Variants in FNBP1 observed in about 807,000 individuals in gnomAD.
FNBP1 encodes the protein formin binding protein 1, also known as formin-binding protein 1.
A neutral mutation model predicts 90.6 loss-of-function variants in FNBP1; 26 were observed. The observed-to-expected ratio is 0.29, with a 90% CI of 0.21 to 0.40. The LOEUF (loss-of-function observed/expected upper bound fraction) is 0.40. Ranked by LOEUF, FNBP1 falls within the 10% of genes least tolerant of loss-of-function variation. FNBP1 has a pLI of 1.00. For synonymous variants in FNBP1, 260 were observed against 265.2 expected (o/e 0.98, Z 0.19); for missense variants, 635 against 768.0 (o/e 0.83, Z 2.05).
Position 129,889,901 on chromosome 9 carries a change from GGT to G in FNBP1, c.*636_*637del, listed in dbSNP as rs373807120. On this transcript the variant is annotated 3_prime_UTR_variant, in exon 17 of 17. Coordinates refer to ENST00000446176, the MANE Select transcript of FNBP1 (RefSeq NM_015033.3). ...GTGTGTACTGGTGGGTGTGCCTGTG[GGT>G]GTGTGTGTACCTGCCCCCCTGCCTG... 3 of 235,622 alleles carry G rather than the reference GGT, an allele frequency of 1.3e-5. No homozygotes were observed. The highest frequency in any genetic ancestry group is 1.6e-4 in the South Asian group (1 of 6,156). The allele number at this position is 235,622 out of a possible 1,614,324, so 14.6% of individuals were successfully genotyped here.
intron 1 of FNBP1, among the ~76,000 whole-genome samples, chr9:129,997,962 G>A (rs753582474): frequency 2.0e-5 from 3 of 151,846 alleles, no homozygotes; most frequent in Non-Finnish European, 2.9e-5. Flanking sequence ...CATGGTGGGC[G>A]GATCACTTGA....
intron 1 of FNBP1, among the ~76,000 whole-genome samples, chr9:130,034,734 TTGATTCTCAG>T (rs1249458359): frequency 1.3e-5 from 2 of 152,240 alleles, no homozygotes; most frequent in Non-Finnish European, 2.9e-5. Flanking sequence ...GTGTGAGTCA[TTGATTCTCAG>T]TGATTCTCAA....
rs1175566512 is a variant in FNBP1, at chr9:129,957,804, C to T, written c.409-340G>A. ...CTGAGCTCAAGCAATCCTCCCGCCT[C>T]TGCCTCCCAAATTGCTGGGATTACA... is the stretch of plus-strand genomic sequence containing the variant. On this transcript the variant is annotated intron_variant, in intron 5 of 16. Transcript: ENST00000446176. The surrounding 1 kb of genome is among the most constrained non-coding windows in gnomAD (Gnocchi z 4.3). Among the ~76,000 whole-genome samples, 1 of 152,202 alleles carries T rather than the reference C, an allele frequency of 6.6e-6. No homozygotes were observed. Among genetic ancestry groups the T allele is most frequent in the Non-Finnish European group, 1.5e-5 (1 of 68,038 alleles).
the FNBP1 span, among the ~76,000 whole-genome samples, chr9:130,049,067 C>T: frequency 6.6e-6 from 1 of 152,196 alleles, no homozygotes; most frequent in East Asian, 1.9e-4. Context: ...GCATGAGCCA[C>T]CACTCCCGGC....
At chr9:130,046,893 CAT>C (rs565027202), upstream of FNBP1, among the ~76,000 whole-genome samples, 357 of 151,560 alleles carry the variant, frequency 2.4e-3, 4 homozygotes, top group Non-Finnish European at 3.9e-3. Context: ...TTATAATAAA[CAT>C]GTTTCCCTAG....
At chr9:129,974,822 T>G (rs2050051904) in intron 4 of FNBP1, among the ~76,000 whole-genome samples, 1 of 142,044 alleles carries the variant, frequency 7.0e-6, no homozygotes, top group African/African-American at 2.7e-5. Context: ...ATCGCACCAC[T>G]GCACTCCAGC....
intron 4 of FNBP1, among the ~76,000 whole-genome samples, chr9:129,964,596 T>TAA (rs530737177): frequency 1.1e-3 from 159 of 138,692 alleles, no homozygotes; most frequent in African/African-American, 4.1e-3. Context: ...TGGCTGAGAT[T>TAA]AAAAAAAAAA....
At chr9:129,891,305 T>A (rs1159094068) in intron 16 of FNBP1, among the ~76,000 whole-genome samples, 1 of 151,618 alleles carries the variant, frequency 6.6e-6, no homozygotes, top group Non-Finnish European at 1.5e-5. Context: ...CTACAAAAAA[T>A]TAAAAAAAAA....
At chr9:129,950,115 G>A (rs769839852) in intron 6 of FNBP1, among the ~76,000 whole-genome samples, 26 of 152,194 alleles carry the variant, frequency 1.7e-4, no homozygotes, top group Admixed American at 8.5e-4. Context: ...ATAATGATAA[G>A]AACTAAAACT....
intron 2 of FNBP1, among the ~76,000 whole-genome samples, chr9:129,992,898 T>G: frequency 7.2e-6 from 1 of 138,738 alleles, no homozygotes; most frequent in Non-Finnish European, 1.5e-5. Context: ...TAAAACTCAA[T>G]GGTGAGGGAG....
intron 4 of FNBP1, among the ~76,000 whole-genome samples, chr9:129,961,918 C>T (rs1340180925): frequency 6.6e-6 from 1 of 152,164 alleles, no homozygotes; most frequent in Non-Finnish European, 1.5e-5. Context: ...CACACTGTAC[C>T]ATCGCTGACT....
At position 130,031,953 on chromosome 9, in the gene FNBP1, C is replaced by T. The variant is rs770232586; in HGVS notation, c.24+10999G>A. On this transcript the variant is annotated intron_variant, in intron 1 of 16. Transcript: ENST00000446176. The surrounding 1 kb of genome is among the most constrained non-coding windows in gnomAD (Gnocchi z 4.2). ...CTGGTATTACAGGAGTGAGCCACTGCGCCTGGCCTGATGAAATTTTTACAA... is the reference window on the plus strand; with the variant it reads ...CTGGTATTACAGGAGTGAGCCACTGTGCCTGGCCTGATGAAATTTTTACAA... Among the ~76,000 whole-genome samples, 8 of 152,050 alleles carry T rather than the reference C, an allele frequency of 5.3e-5. No homozygotes were observed. The highest frequency in any genetic ancestry group is 1.2e-4 in the Non-Finnish European group (8 of 68,024).
intron 1 of FNBP1, among the ~76,000 whole-genome samples, chr9:130,027,886 G>GA (rs147421768): frequency 6.6e-6 from 1 of 151,326 alleles, no homozygotes; most frequent in Non-Finnish European, 1.5e-5. Context: ...AAAAGCGCAA[G>GA]AAAAAAACGC....
intron 12 of FNBP1, among the ~76,000 whole-genome samples, chr9:129,905,738 A>G (rs940585933): frequency 6.6e-5 from 10 of 152,192 alleles, no homozygotes; most frequent in Admixed American, 2.0e-4. Context: ...TCAGAGCAAT[A>G]AATCTCTCTA....
At chr9:129,895,614 T>C (rs2035581225) in intron 16 of FNBP1, 1 of 1,239,090 alleles carries the variant, frequency 8.1e-7, no homozygotes, top group Non-Finnish European at 1.0e-6. Context: ...GCTTTCCACA[T>C]AAAATTTCAT....
chr9:129,932,632 G>T (rs1392277305), intron 6 of FNBP1, among the ~76,000 whole-genome samples: 1 of 152,048 alleles, frequency 6.6e-6, no homozygotes, highest in East Asian at 1.9e-4. Flanking sequence ...ATCTGTCGGT[G>T]CCATTTTATC....
rs1012006674 is a variant in FNBP1 at position 129,947,692 on chromosome 9, G to A, written c.513+9668C>T. Among the ~76,000 whole-genome samples the A allele has an allele frequency of 1.4e-4, 21 of 150,386 alleles. 1 individual carries two copies. The highest frequency in any genetic ancestry group is 2.1e-4 in the Non-Finnish European group (14 of 67,700). ...GGCTGGAGTAAAATGGCGTGATCTC[G>A]GCTCACTGCAACCTCTGCCTCCCGG... On this transcript the variant is annotated intron_variant, in intron 6 of 16. Coordinates refer to ENST00000446176, the MANE Select transcript of FNBP1 (RefSeq NM_015033.3).
intron 1 of FNBP1, among the ~76,000 whole-genome samples, chr9:130,029,702 G>A (rs892547561): frequency 4.6e-5 from 7 of 152,066 alleles, no homozygotes; most frequent in Non-Finnish European, 8.8e-5. Flanking sequence ...TCTTATAAAC[G>A]GCCAAGTGCA....
intron 7 of FNBP1, among the ~76,000 whole-genome samples, chr9:129,928,487 C>T (rs948415958): frequency 2.1e-4 from 32 of 151,652 alleles, no homozygotes; most frequent in African/African-American, 7.3e-4. Flanking sequence ...GGTGAAACCC[C>T]GTCTCTACTA....
Sources: allele counts gnomAD v4.1 joint callset (sites outside exome capture counted in the v4.1 genomes callset), GRCh38; gene constraint gnomAD v4.1.1; non-coding constraint Gnocchi (gnomAD v3.1); transcripts MANE v1.5; gene names NCBI Gene and HGNC (gene_info 2026-07-23, HGNC 2026-07-21).